Variants in ZNF483 observed in about 807,000 individuals in gnomAD.
ZNF483 encodes zinc finger protein 483.
A neutral mutation model predicts 28.6 loss-of-function variants in ZNF483; 9 were observed. That is an observed-to-expected ratio of 0.32 (90% CI 0.19 to 0.55). ZNF483 has a LOEUF of 0.55. Among genes scored for constraint, ZNF483 ranks in the 20% least tolerant of loss-of-function variants. ZNF483 has a pLI of 0.93. For missense variants in ZNF483, 675 were observed against 871.7 expected (o/e 0.77, Z 2.84); for synonymous variants, 322 against 306.2 (o/e 1.05, Z -0.54).
rs1331947039 is a variant in ZNF483, at chr9:111,527,503, A to G, written c.108A>G (p.Glu36=). 1.2e-6 allele frequency: 2 copies of G among 1,614,124 alleles called. No individual in the cohort carries two copies. Among genetic ancestry groups the G allele is most frequent in the Non-Finnish European group, 1.7e-6 (2 of 1,180,052 alleles). ...TCCCAAGAGTGGTTACTTCTGGGGA[A>G]CAAGAAGCTATTTTAAGAGGAAATG... The part of the protein sequence containing the change: ...NEVPRVVTSG[E]QEAILRGNAA... The change falls in exon 2 of 6, where the codon GAA becomes GAG. Residue 36 remains glutamate (E), a synonymous_variant. Transcript: ENST00000309235.
At chr9:111,565,586 A>T (rs941402729) in intron 5 of ZNF483, among the ~76,000 whole-genome samples, 8 of 152,258 alleles carry the variant, frequency 5.3e-5, no homozygotes, top group African/African-American at 1.7e-4. Context: ...ACAGTGGCAC[A>T]TTCAGAGTTC....
At chr9:111,528,139 G>A in intron 2 of ZNF483, 2 of 1,019,142 alleles carry the variant, frequency 2.0e-6, no homozygotes, top group Non-Finnish European at 2.7e-6. Flanking sequence ...CTGTGAAAGT[G>A]TTTGGAGTCA....
Position 111,541,828 on chromosome 9 carries a change from A to G in ZNF483, c.893A>G (p.Lys298Arg). ...ACTCTTGGGAGTGGCAGTAGGGGTA[A>G]GAAATTTGACCCAGATAAAAGCCCC... ...NKTLGSGSRG[K>R]KFDPDKSPFG... The change falls in exon 6 of 6, where the codon AAG becomes AGG. Residue 298 changes from lysine (K) to arginine (R), a missense_variant. Around this residue, in one of 6 missense-constraint regions of ZNF483, gnomAD observed 525 missense variants for 581.8 expected, o/e 0.90. Coordinates refer to ENST00000309235, the MANE Select transcript of ZNF483 (RefSeq NM_133464.5). 6.2e-7 allele frequency: 1 copy of G among 1,614,188 alleles called. No individual in the cohort carries two copies. Among genetic ancestry groups the G allele is most frequent in the Non-Finnish European group, 8.5e-7 (1 of 1,180,036 alleles).
intron 5 of ZNF483, chr9:111,574,970 C>A: frequency 1.4e-6 from 1 of 724,902 alleles, no homozygotes; most frequent in Non-Finnish European, 2.3e-6. Flanking sequence ...ATTAGCCCAA[C>A]AGTGCAGAAG....
chr9:111,571,047 T>A (rs72748040), intron 5 of ZNF483, among the ~76,000 whole-genome samples: 3,482 of 132,916 alleles, frequency 0.026, 258 homozygotes, highest in South Asian at 0.042. Flanking sequence ...AGGAAGCAGA[T>A]TCTCCTCTAG....
rs1241177566 is a variant in ZNF483 at position 111,553,069 on chromosome 9, T to C, written c.*9899T>C. ...TAAATTGTTTTGTTAGAAATTTCACTCGCAGTTCATATGAGTAATTTTGTG... is the reference window on the plus strand; with the variant it reads ...TAAATTGTTTTGTTAGAAATTTCACCCGCAGTTCATATGAGTAATTTTGTG... On this transcript the variant is annotated 3_prime_UTR_variant, in exon 6 of 6. Coordinates refer to ENST00000309235, the MANE Select transcript of ZNF483 (RefSeq NM_133464.5). Among the ~76,000 whole-genome samples the C allele has an allele frequency of 6.6e-6, 1 of 152,228 alleles. No individual in the cohort carries two copies. The highest frequency in any genetic ancestry group is 1.5e-5 in the Non-Finnish European group (1 of 68,030).
In ZNF483 at chr9:111,544,883, G is replaced by A. The variant is rs1380768029; in HGVS notation, c.*1713G>A. ...TCATAGGGTTCTGGAGGAACCCCAT[G>A]GACTCAACAGTGGTCTAGAAATAAG... On this transcript the variant is annotated 3_prime_UTR_variant, in exon 6 of 6. Coordinates refer to ENST00000309235, the MANE Select transcript of ZNF483 (RefSeq NM_133464.5). 6.6e-6 allele frequency among the ~76,000 whole-genome samples: 1 copy of A among 152,124 alleles called. No homozygotes were observed. Among genetic ancestry groups the A allele is most frequent in the Non-Finnish European group, 1.5e-5 (1 of 68,008 alleles).
intron 5 of ZNF483, chr9:111,574,583 TCA>T: frequency 1.9e-6 from 1 of 520,140 alleles, no homozygotes; most frequent in Non-Finnish European, 3.3e-6. Flanking sequence ...TCCTGAGCAC[TCA>T]CAAAGTGAGA....
In ZNF483 at chr9:111,548,504, T is replaced by G. The variant is rs1276288180; in HGVS notation, c.*5334T>G. ...AATTTGTTTATTAGTCATAATAGTT[T>G]CTTGTGAAATTTTTGGGATTTTTAA... On this transcript the variant is annotated 3_prime_UTR_variant, in exon 6 of 6. Coordinates refer to ENST00000309235, the MANE Select transcript of ZNF483 (RefSeq NM_133464.5). Among the ~76,000 whole-genome samples, 1 of 152,202 alleles carries G rather than the reference T, an allele frequency of 6.6e-6. No individual in the cohort carries two copies. The highest frequency in any genetic ancestry group is 2.4e-5 in the African/African-American group (1 of 41,472).
Position 111,547,649 on chromosome 9 carries a change from G to C in ZNF483, c.*4479G>C, listed in dbSNP as rs1304134794. On this transcript the variant is annotated 3_prime_UTR_variant, in exon 6 of 6. Coordinates refer to ENST00000309235, the MANE Select transcript of ZNF483 (RefSeq NM_133464.5). ...TTTGAAAGAAGGTTTTAATTTTGGT[G>C]AAGTTTAATTTTTCTATTTTTTCTT... is the stretch of plus-strand genomic sequence containing the variant. 1.3e-5 allele frequency among the ~76,000 whole-genome samples: 2 copies of C among 152,082 alleles called. No homozygotes were observed. Among genetic ancestry groups the C allele is most frequent in the African/African-American group, 4.8e-5 (2 of 41,434 alleles).
rs554795618 is a variant in ZNF483, at chr9:111,544,286, T to A, written c.*1116T>A. 6.7e-5 allele frequency: 66 copies of A among 985,388 alleles called. No homozygotes were observed. The African/African-American group carries it at 1.0e-3, about 15-fold the overall frequency. 61.0% of individuals were successfully genotyped at this position (985,388 alleles called of 1,614,324 possible). A position where few individuals can be genotyped will look rare whatever the true frequency, so the allele number is the denominator to read the frequency against. ...CAAGTACATTTTTTTGCAATTGGAG[T>A]GTAAACATTCTGTGTGGCAACAGTT... On this transcript the variant is annotated 3_prime_UTR_variant, in exon 6 of 6. Transcript: ENST00000309235.
rs1417338685 is a variant in ZNF483 at position 111,525,220 on chromosome 9, C to T, written c.-171C>T. The T allele has an allele frequency of 6.6e-6, 1 of 152,272 alleles. No homozygotes were observed. The highest frequency in any genetic ancestry group is 1.5e-5 in the Non-Finnish European group (1 of 68,078). The allele number at this position is 152,272 out of a possible 1,614,324, so 9.4% of individuals were successfully genotyped here. ...TCGCTGCGGGACAAGCTTCTGGAAGCTCTTTGCGGTGGCGTTGGTGCTGTT... is the reference window on the plus strand; with the variant it reads ...TCGCTGCGGGACAAGCTTCTGGAAGTTCTTTGCGGTGGCGTTGGTGCTGTT... On this transcript the variant is annotated 5_prime_UTR_variant, in exon 1 of 6. Coordinates refer to ENST00000309235, the MANE Select transcript of ZNF483 (RefSeq NM_133464.5).
rs1014934595 is a variant in ZNF483, at chr9:111,555,128, C to T, written c.*11958C>T. Among the ~76,000 whole-genome samples, 3 of 152,140 alleles carry T rather than the reference C, an allele frequency of 2.0e-5. No individual in the cohort carries two copies. Among genetic ancestry groups the T allele is most frequent in the African/African-American group, 7.2e-5 (3 of 41,430 alleles). On this transcript the variant is annotated 3_prime_UTR_variant, in exon 6 of 6. Coordinates refer to ENST00000309235, the MANE Select transcript of ZNF483 (RefSeq NM_133464.5). ...TCATCCCCTTTTATTCAGACTTCCA[C>T]TTAGTATCCTGTTTTTAGTCTTCTA...
intron 5 of ZNF483, among the ~76,000 whole-genome samples, chr9:111,538,771 A>G (rs1255729015): frequency 2.0e-5 from 3 of 152,148 alleles, no homozygotes; most frequent in African/African-American, 7.2e-5. Flanking sequence ...CACCAGAGAA[A>G]AAAGTTTTGA....
At chr9:111,559,130 CCATG>C (rs1312148697), downstream of ZNF483, among the ~76,000 whole-genome samples, 3 of 152,146 alleles carry the variant, frequency 2.0e-5, no homozygotes, top group African/African-American at 7.2e-5. Context: ...GCCAAGCTAT[CCATG>C]CATCAGCACC....
In ZNF483 at chr9:111,542,129, C is replaced by T. The variant is rs376239572; in HGVS notation, c.1194C>T (p.Ile398=). The T allele has an allele frequency of 3.1e-6, 5 of 1,613,894 alleles. No individual in the cohort carries two copies. The highest frequency in any genetic ancestry group is 2.7e-5 in the African/African-American group (2 of 74,892). The change falls in exon 6 of 6, where the codon ATC becomes ATT. Residue 398 remains isoleucine, a synonymous_variant. Transcript: ENST00000309235. This position sits in a 1 kb window ranked among gnomAD's most constrained non-coding sequence, Gnocchi z 6.2. ...RSQKCSKCGI[I]FIRRSTLSRR... The stretch of plus-strand genomic sequence containing the variant: ...AAAAATGCAGTAAGTGTGGGATAAT[C>T]TTTATTAGAAGATCAACTCTTTCTA...
Position 111,534,279 on chromosome 9 carries a change from T to C in ZNF483, c.647T>C (p.Leu216Ser), listed in dbSNP as rs2132233315. ...LEFLDFPVSK[L>S]ELISQLKWVE... The stretch of plus-strand genomic sequence containing the variant: ...TGAGCAGACTTTCCAGTTTCAAAAT[T>C]AGAGTTGATTTCCCAGCTAAAGTGG... Residue 216 changes from leucine to serine, a missense_variant, in exon 5 of 6, where the codon TTA (leucine) becomes TCA (serine). Transcript: ENST00000309235. 1 of 1,614,076 alleles carries C rather than the reference T, an allele frequency of 6.2e-7. No individual in the cohort carries two copies. Among genetic ancestry groups the C allele is most frequent in the South Asian group, 1.1e-5 (1 of 91,066 alleles).
intron 2 of ZNF483, among the ~76,000 whole-genome samples, chr9:111,530,138 GGA>G (rs1827284106): frequency 6.6e-6 from 1 of 152,132 alleles, no homozygotes; most frequent in South Asian, 2.1e-4. Context: ...CTGTCAAAGG[GGA>G]GAGGGACTGA....
At chr9:111,573,756 G>C (rs970872281) in intron 5 of ZNF483, among the ~76,000 whole-genome samples, 1 of 152,168 alleles carries the variant, frequency 6.6e-6, no homozygotes, top group Admixed American at 6.5e-5. Context: ...CATAAAATGA[G>C]AGGCCTGTAC....
Sources: gnomAD v4.1 joint callset for allele counts (sites outside exome capture counted in the v4.1 genomes callset) on GRCh38, gnomAD v4.1.1 for gene constraint, gnomAD v4.1.1 regional missense constraint, Gnocchi (gnomAD v3.1) non-coding constraint, MANE v1.5 for transcripts, NCBI Gene and HGNC (gene_info 2026-07-23, HGNC 2026-07-21) for gene names.